The following MARCHF2 variants were observed in gnomAD, a reference collection of about 807,000 sequenced individuals.
MARCHF2 encodes the protein membrane associated ring-CH-type finger 2.
A neutral mutation model predicts 24.0 loss-of-function variants in MARCHF2; 22 were observed. The observed-to-expected ratio is 0.92, with a 90% CI of 0.66 to 1.31. The LOEUF is 1.31. MARCHF2 is among the 50% of genes most tolerant of loss of function. The pLI is 0.00. For missense variants in MARCHF2, 301 were observed against 335.3 expected (o/e 0.90, Z 0.80); for synonymous variants, 154 against 153.0 (o/e 1.01, Z -0.05).
At chr19:8,429,503 A>G in intron 3 of MARCHF2, among the ~76,000 whole-genome samples, 1 of 138,184 alleles carries the variant, frequency 7.2e-6, no homozygotes, top group South Asian at 2.4e-4. Context: ...TATTATTATT[A>G]TTATTATTAT....
At chr19:8,426,277 C>T (rs1426161231) in intron 2 of MARCHF2, among the ~76,000 whole-genome samples, 1 of 143,566 alleles carries the variant, frequency 7.0e-6, no homozygotes, top group Middle Eastern at 3.6e-3. Context: ...GGAAGTTGTG[C>T]AGGACAATCA....
intron 4 of MARCHF2, among the ~76,000 whole-genome samples, chr19:8,431,097 G>A (rs578043481): frequency 1.3e-5 from 2 of 152,316 alleles, no homozygotes; most frequent in African/African-American, 2.4e-5. Context: ...TGACCTGAGT[G>A]CAGGAACCCC....
At chr19:8,421,614 CG>C (rs1568236134) in intron 1 of MARCHF2, among the ~76,000 whole-genome samples, 174 bp from the exon 2 acceptor site, 1 of 152,066 alleles carries the variant, frequency 6.6e-6, no homozygotes, top group African/African-American at 2.4e-5. Context: ...TTACATGCAT[CG>C]TCTCCTTGAA....
In MARCHF2 at chr19:8,430,546, A is replaced by G; in HGVS notation, c.373-112A>G. On this transcript the variant is annotated intron_variant, in intron 3 of 4. Transcript: ENST00000215555. The surrounding 1 kb of genome is among the most constrained non-coding windows in gnomAD (Gnocchi z 4.4). ...TGAGAATCTGTCTCAAAAAAAAAAA[A>G]AAGAAAGAAGGAAAGGACAGAGGGA... The G allele has an allele frequency of 1.2e-6, 1 of 815,598 alleles. No individual in the cohort carries two copies. The highest frequency in any genetic ancestry group is 1.9e-6 in the Non-Finnish European group (1 of 523,206). The allele number at this position is 815,598 out of a possible 1,614,324, so 50.5% of individuals were successfully genotyped here. A position where few individuals can be genotyped will look rare whatever the true frequency, so the allele number is the denominator to read the frequency against.
chr19:8,429,019 A>C (rs1441401071), intron 3 of MARCHF2, among the ~76,000 whole-genome samples: 1 of 151,984 alleles, frequency 6.6e-6, no homozygotes, highest in Non-Finnish European at 1.5e-5. Flanking sequence ...AGGGAGGTCC[A>C]GCCCCTTCAC....
At chr19:8,428,026 C>T (rs568804741) in intron 3 of MARCHF2, among the ~76,000 whole-genome samples, 43 of 151,548 alleles carry the variant, frequency 2.8e-4, no homozygotes, top group African/African-American at 9.2e-4. Context: ...TTGGGGAGGC[C>T]GAGGCGGGCG....
rs763040085 is a variant in MARCHF2, at chr19:8,438,574, G to T, written c.*28G>T. The T allele has an allele frequency of 6.2e-7, 1 of 1,610,450 alleles. No individual in the cohort carries two copies. The highest frequency in any genetic ancestry group is 2.2e-5 in the East Asian group (1 of 44,788). On this transcript the variant is annotated 3_prime_UTR_variant, in exon 5 of 5. Coordinates refer to ENST00000215555, the MANE Select transcript of MARCHF2 (RefSeq NM_001005415.2). ...GCTGGGCTCTCCGGACCCTGCAGCA[G>T]AGAGGCCAGAGGTAGCTGGTGATAC...
intron 1 of MARCHF2, among the ~76,000 whole-genome samples, chr19:8,415,991 G>A (rs969085038): frequency 1.3e-5 from 2 of 152,028 alleles, no homozygotes; most frequent in East Asian, 3.9e-4. Context: ...GACCAGGATC[G>A]GAGGGTCAAG....
chr19:8,434,055 A>G (rs1259125530), intron 4 of MARCHF2, among the ~76,000 whole-genome samples: 1 of 134,820 alleles, frequency 7.4e-6, no homozygotes. Context: ...CTCACAAAGT[A>G]TTTTTCAATG....
Position 8,433,101 on chromosome 19 carries a change from C to T in MARCHF2, c.582+2234C>T, listed in dbSNP as rs370820953. On this transcript the variant is annotated intron_variant, in intron 4 of 4. Coordinates refer to ENST00000215555, the MANE Select transcript of MARCHF2 (RefSeq NM_001005415.2). ...GGCCGTGGTGGTGCGTGCCTGCAGTCTCAGCTACTCCGGAGGGTGAGGTGG... is the reference window on the plus strand; with the variant it reads ...GGCCGTGGTGGTGCGTGCCTGCAGTTTCAGCTACTCCGGAGGGTGAGGTGG... Among the ~76,000 whole-genome samples, 19 of 152,116 alleles carry T rather than the reference C, an allele frequency of 1.2e-4. 1 individual carries two copies. The East Asian group carries it at 3.5e-3, about 28-fold the overall frequency.
At chr19:8,429,057 C>T (rs980562794) in intron 3 of MARCHF2, among the ~76,000 whole-genome samples, 9 of 152,104 alleles carry the variant, frequency 5.9e-5, no homozygotes, top group African/African-American at 1.9e-4. Flanking sequence ...CTTTGGTCTC[C>T]GTGCTACAGC....
At chr19:8,428,615 A>C (rs940392936) in intron 3 of MARCHF2, among the ~76,000 whole-genome samples, 2 of 129,578 alleles carry the variant, frequency 1.5e-5, no homozygotes, top group Non-Finnish European at 3.1e-5. Flanking sequence ...GCGCCACTGC[A>C]CTCCAGCCTG....
chr19:8,424,979 G>A (rs1158561074), intron 2 of MARCHF2, among the ~76,000 whole-genome samples: 1 of 152,084 alleles, frequency 6.6e-6, no homozygotes, highest in Admixed American at 6.6e-5. Context: ...ACAATTATGG[G>A]TCATTGGAGC....
intron 1 of MARCHF2, among the ~76,000 whole-genome samples, chr19:8,417,937 G>A (rs1022026175): frequency 2.7e-5 from 4 of 148,174 alleles, no homozygotes; most frequent in East Asian, 2.0e-4. Flanking sequence ...TAATTTTTTT[G>A]TATTTTTAGT....
intron 4 of MARCHF2, among the ~76,000 whole-genome samples, chr19:8,437,505 C>T (rs7408511): frequency 0.3 from 45,108 of 151,276 alleles, 7,210 homozygotes; most frequent in Middle Eastern, 0.38. Flanking sequence ...GCGCCCACCA[C>T]CACGGCCGGC....
chr19:8,429,848 C>T (rs1217605261), intron 3 of MARCHF2, among the ~76,000 whole-genome samples: 1 of 131,898 alleles, frequency 7.6e-6, no homozygotes, highest in African/African-American at 2.9e-5. Flanking sequence ...TTTGGCCTGT[C>T]ATCTGGGGAA....
At chr19:8,426,368 C>T (rs1302956994) in intron 2 of MARCHF2, among the ~76,000 whole-genome samples, 1 of 151,532 alleles carries the variant, frequency 6.6e-6, no homozygotes, top group Non-Finnish European at 1.5e-5. Context: ...GAGGGTGCTG[C>T]AGGGTCCCTG....
At chr19:8,419,646 C>G (rs931064406) in intron 1 of MARCHF2, among the ~76,000 whole-genome samples, 5 of 149,254 alleles carry the variant, frequency 3.3e-5, no homozygotes, top group Non-Finnish European at 7.4e-5. Context: ...GAAACCCCGT[C>G]TCTACTAAAA....
At chr19:8,417,825 C>A (rs1334244982) in intron 1 of MARCHF2, among the ~76,000 whole-genome samples, 1 of 121,146 alleles carries the variant, frequency 8.3e-6, no homozygotes, top group Admixed American at 1.1e-4. Context: ...TGCAATGGTG[C>A]GATCTCGGCT....
Sources: allele counts gnomAD v4.1 joint callset (sites outside exome capture counted in the v4.1 genomes callset), GRCh38; gene constraint gnomAD v4.1.1; non-coding constraint Gnocchi (gnomAD v3.1); transcripts MANE v1.5; gene names NCBI Gene and HGNC (gene_info 2026-07-23, HGNC 2026-07-21).